Variants in ANO4 observed in about 807,000 individuals in gnomAD.
The protein encoded by ANO4 is anoctamin-4.
In ANO4, 69 loss-of-function variants were observed where a neutral mutation model predicts 141.9. That is an observed-to-expected ratio of 0.49 (90% confidence interval 0.40 to 0.59). The LOEUF (loss-of-function observed/expected upper bound fraction) is 0.59, where lower values mean the gene tolerates loss of function less well. Among genes scored for constraint, ANO4 ranks in the 20% least tolerant of loss-of-function variants. ANO4 has a pLI of 0.00. For missense variants in ANO4, 894 were observed against 1,162.2 expected (o/e 0.77, Z 3.36); for synonymous variants, 350 against 394.3 (o/e 0.89, Z 1.33).
intron 1 of ANO4, among the ~76,000 whole-genome samples, chr12:100,853,214 C>T (rs528881496): frequency 3.2e-4 from 49 of 152,226 alleles, no homozygotes; most frequent in Admixed American, 5.9e-4. Flanking sequence ...GGAATATGCA[C>T]GGCAAACATC....
In ANO4 at chr12:100,871,198, T is replaced by C. The variant is rs570710485; in HGVS notation, c.-140-30448T>C. Among the ~76,000 whole-genome samples the C allele has an allele frequency of 2.2e-4, 34 of 152,306 alleles. 1 individual carries two copies. The South Asian group carries it at 4.6e-3, about 20-fold the overall frequency. ...GAAAGAAGGTCATTTATCATGTCTG[T>C]TTTACTGAAAGAAGGACAAGATGAG... On this transcript the variant is annotated intron_variant, in intron 1 of 27. Transcript: ENST00000392977.
rs777297088 is a variant in ANO4 at position 100,942,452 on chromosome 12, T to A, written c.373T>A (p.Tyr125Asn). ...GTGTCGAATTGACTACATCCTTGTG[T>A]ACAGAAAATCCAACCCCCAGACTGA... ...GKCRIDYILV[Y>N]RKSNPQTEKR... Residue 125 changes from tyrosine to asparagine, a missense_variant, in exon 5 of 28, where the codon TAC becomes AAC. Tyr to Asn is a moderately radical substitution (Grantham distance 143, BLOSUM62 -2). Around this residue, in one of 2 missense-constraint regions of ANO4, gnomAD observed 257 missense variants for 253.0 expected, o/e 1.02. Transcript: ENST00000392977. 3.1e-6 allele frequency: 5 copies of A among 1,613,974 alleles called. No homozygotes were observed. In the Admixed American group the frequency reaches 6.7e-5, roughly 22 times the overall value.
intron 2 of ANO4, among the ~76,000 whole-genome samples, chr12:100,738,989 C>CCGGA (rs2031732575): frequency 6.7e-6 from 1 of 148,176 alleles, no homozygotes; most frequent in Non-Finnish European, 1.5e-5. Context: ...AATCACCGGT[C>CCGGA]CACTCTTTGT....
chr12:100,950,487 T>C (rs1244051967), intron 5 of ANO4, among the ~76,000 whole-genome samples: 1 of 152,194 alleles, frequency 6.6e-6, no homozygotes, highest in African/African-American at 2.4e-5. Flanking sequence ...TTCTGTTAAC[T>C]TGAGTCTTAG....
At chr12:100,789,839 CTGT>C (rs1191168182), upstream of ANO4, among the ~76,000 whole-genome samples, 1 of 152,186 alleles carries the variant, frequency 6.6e-6, no homozygotes, top group Non-Finnish European at 1.5e-5. Flanking sequence ...TATTGAGCTC[CTGT>C]TGTGTGTCAG....
chr12:100,785,625 A>G (rs1013851934), intron 3 of ANO4, among the ~76,000 whole-genome samples: 1 of 152,144 alleles, frequency 6.6e-6, no homozygotes, highest in Non-Finnish European at 1.5e-5. Flanking sequence ...GATATACCAC[A>G]GTTTTATTTT....
intron 1 of ANO4, among the ~76,000 whole-genome samples, chr12:100,882,549 G>A (rs1450284382): frequency 2.0e-5 from 3 of 152,058 alleles, no homozygotes; most frequent in Non-Finnish European, 4.4e-5. Context: ...TATTTTTAAC[G>A]ATGATATCTC....
At chr12:101,085,573 A>T (rs1031336248) in intron 16 of ANO4, among the ~76,000 whole-genome samples, 1 of 152,136 alleles carries the variant, frequency 6.6e-6, no homozygotes, top group East Asian at 1.9e-4. Flanking sequence ...AATGGACTTG[A>T]GCATCTGTGG....
At chr12:100,872,852 C>G (rs2039099801) in intron 1 of ANO4, among the ~76,000 whole-genome samples, 1 of 152,152 alleles carries the variant, frequency 6.6e-6, no homozygotes, top group East Asian at 1.9e-4. Flanking sequence ...ATGTATGTCC[C>G]TGTCCAAATC....
intron 1 of ANO4, among the ~76,000 whole-genome samples, chr12:100,881,049 A>T (rs895467789): frequency 1.7e-4 from 25 of 145,194 alleles, no homozygotes; most frequent in African/African-American, 6.0e-4. Context: ...TCCTTGCGAT[A>T]GTTTGCTGAG....
chr12:100,794,514 G>T, upstream of ANO4: 1 of 152,358 alleles, frequency 6.6e-6, no homozygotes. Flanking sequence ...CTCAGAACTG[G>T]CTGTCATCTG....
chr12:100,810,530 G>A (rs1437642165), intron 1 of ANO4, among the ~76,000 whole-genome samples: 1 of 152,086 alleles, frequency 6.6e-6, no homozygotes, highest in Non-Finnish European at 1.5e-5. Context: ...AGGGAGTCAG[G>A]GTGTAAGTAG....
intron 14 of ANO4, among the ~76,000 whole-genome samples, chr12:101,061,522 C>A (rs1445833564): frequency 6.6e-6 from 1 of 152,092 alleles, no homozygotes; most frequent in Non-Finnish European, 1.5e-5. Context: ...GTACACCAAT[C>A]AAATGTAGGT....
chr12:101,081,749 G>A (rs1332207565), intron 15 of ANO4, among the ~76,000 whole-genome samples: 1 of 152,124 alleles, frequency 6.6e-6, no homozygotes, highest in Non-Finnish European at 1.5e-5. Context: ...AGCAGGGTTG[G>A]TTCTTTCTGA....
At chr12:100,936,613 C>T (rs1195435866) in intron 3 of ANO4, among the ~76,000 whole-genome samples, 2 of 152,148 alleles carry the variant, frequency 1.3e-5, no homozygotes, top group Non-Finnish European at 2.9e-5. Context: ...AGCCAGTCAC[C>T]TAGACATGAA....
At chr12:101,015,342 G>A (rs1169253902) in intron 8 of ANO4, among the ~76,000 whole-genome samples, 2 of 152,006 alleles carry the variant, frequency 1.3e-5, no homozygotes, top group African/African-American at 4.8e-5. Context: ...TTCCTAATAT[G>A]TGCACATTTT....
chr12:100,972,376 A>G (rs1361713295), intron 6 of ANO4, among the ~76,000 whole-genome samples: 1 of 152,226 alleles, frequency 6.6e-6, no homozygotes, highest in African/African-American at 2.4e-5. Context: ...CTTGTAATGT[A>G]TCTCCCTGGT....
chr12:100,866,707 A>T (rs2038769580), intron 1 of ANO4, among the ~76,000 whole-genome samples: 1 of 152,176 alleles, frequency 6.6e-6, no homozygotes, highest in Non-Finnish European at 1.5e-5. Context: ...TTCCAAGGTC[A>T]TGTGGTCAAG....
At chr12:100,766,247 T>G (rs2033076185) in intron 3 of ANO4, among the ~76,000 whole-genome samples, 1 of 152,058 alleles carries the variant, frequency 6.6e-6, no homozygotes, top group South Asian at 2.1e-4. Context: ...GTGCTCTTAT[T>G]TCTTTATGCT....
Sources: allele counts gnomAD v4.1 joint callset (sites outside exome capture counted in the v4.1 genomes callset), GRCh38; gene constraint gnomAD v4.1.1; regional missense constraint gnomAD v4.1.1; transcripts MANE v1.5; gene names NCBI Gene and HGNC (gene_info 2026-07-23, HGNC 2026-07-21).